Variants in GNAL observed in about 807,000 individuals in gnomAD.
The protein encoded by GNAL is G protein subunit alpha L.
A neutral mutation model predicts 55.1 loss-of-function variants in GNAL; 18 were observed. That is an observed-to-expected ratio of 0.33 (90% CI 0.23 to 0.48). GNAL has a LOEUF of 0.48. GNAL is among the 20% of genes least tolerant of loss of function. GNAL has a pLI of 0.99. For synonymous variants in GNAL, 253 were observed against 237.0 expected (o/e 1.07, Z -0.62); for missense variants, 412 against 614.1 (o/e 0.67, Z 3.48).
chr18:11,807,021 T>C (rs2034681619), intron 4 of GNAL, among the ~76,000 whole-genome samples: 1 of 152,018 alleles, frequency 6.6e-6, no homozygotes, highest in Admixed American at 6.6e-5. Flanking sequence ...TAGCCGGGCA[T>C]GGTGGCGCAC....
At chr18:11,839,021 C>T (rs1278612790) in intron 5 of GNAL, among the ~76,000 whole-genome samples, 2 of 152,160 alleles carry the variant, frequency 1.3e-5, no homozygotes, top group African/African-American at 4.8e-5. Context: ...TACTTCATTC[C>T]TTTCAATAGT....
chr18:11,780,232 G>A (rs959939542), intron 4 of GNAL, among the ~76,000 whole-genome samples: 4 of 152,130 alleles, frequency 2.6e-5, no homozygotes, highest in African/African-American at 9.7e-5. Context: ...AATCCCTGAA[G>A]TAGAGGCATT....
At chr18:11,806,103 G>C (rs867200434) in intron 4 of GNAL, among the ~76,000 whole-genome samples, 1 of 152,146 alleles carries the variant, frequency 6.6e-6, no homozygotes, top group African/African-American at 2.4e-5. Flanking sequence ...GATTAGTTAT[G>C]TTGAGCATTT....
In GNAL at chr18:11,689,533, C is replaced by T. The variant is rs1472360045; in HGVS notation, c.-31C>T. On this transcript the variant is annotated 5_prime_UTR_variant, in exon 1 of 12. Transcript: ENST00000334049. ...CCTCGGCGCCCAGCCTGCCCTAGTC[C>T]CGCGCGCCGCCCCCGCTGTGCCGCG... The T allele has an allele frequency of 2.7e-6, 3 of 1,129,806 alleles. No individual in the cohort carries two copies. The highest frequency in any genetic ancestry group is 1.6e-5 in the African/African-American group (1 of 61,600). 70.0% of individuals were successfully genotyped at this position (1,129,806 alleles called of 1,614,324 possible).
intron 5 of GNAL, among the ~76,000 whole-genome samples, chr18:11,841,202 CCTAAA>C (rs993657659): frequency 1.3e-5 from 2 of 151,994 alleles, no homozygotes; most frequent in African/African-American, 4.8e-5. Flanking sequence ...TCTTTTAACC[CCTAAA>C]CTAATCTTAA....
chr18:11,732,342 ACTGT>A (rs1212223658), intron 1 of GNAL, among the ~76,000 whole-genome samples: 1 of 152,192 alleles, frequency 6.6e-6, no homozygotes, highest in African/African-American at 2.4e-5. Context: ...GACACTCGTT[ACTGT>A]CTTTTTTATT....
chr18:11,883,157 A>G lies in GNAL; in HGVS notation c.*2022A>G, dbSNP rs1425824640. 1 of 134,370 alleles carries G rather than the reference A, an allele frequency of 7.4e-6. No individual in the cohort carries two copies. The highest frequency in any genetic ancestry group is 3.4e-5 in the African/African-American group (1 of 29,062). 8.3% of individuals were successfully genotyped at this position (134,370 alleles called of 1,614,324 possible). The stretch of plus-strand genomic sequence containing the variant: ...CAGATTTAAATGCTACTTTTTCATG[A>G]AGAAAGGATAACTTTATAGACAGTC... On this transcript the variant is annotated 3_prime_UTR_variant, in exon 12 of 12. Transcript: ENST00000334049.
At chr18:11,754,880 A>G (rs1449319222) in intron 4 of GNAL, among the ~76,000 whole-genome samples, 1 of 152,224 alleles carries the variant, frequency 6.6e-6, no homozygotes, top group Non-Finnish European at 1.5e-5. Flanking sequence ...TTTTCAGAAT[A>G]TACATTTCTT....
At chr18:11,827,166 G>A (rs374074740) in intron 5 of GNAL, among the ~76,000 whole-genome samples, 30 of 152,274 alleles carry the variant, frequency 2.0e-4, no homozygotes, top group African/African-American at 5.8e-4. Context: ...TGTGGTGAGC[G>A]CGCTTGGCAA....
At chr18:11,718,716 C>A (rs562616778) in intron 1 of GNAL, among the ~76,000 whole-genome samples, 2 of 152,192 alleles carry the variant, frequency 1.3e-5, no homozygotes, top group African/African-American at 4.8e-5. Flanking sequence ...TTTCTCTGAG[C>A]AGCATTAACA....
At position 11,884,799 on chromosome 18, in the gene GNAL, C is replaced by A; in HGVS notation, c.*3664C>A. 7.2e-7 allele frequency: 1 copy of A among 1,380,944 alleles called. No homozygotes were observed. Among genetic ancestry groups the A allele is most frequent in the Non-Finnish European group, 9.5e-7 (1 of 1,054,334 alleles). The allele number at this position is 1,380,944 out of a possible 1,614,324, so 85.5% of individuals were successfully genotyped here. Reference sequence around the variant, plus strand: ...CCCAGCCTTCTCCCTGCACAGCTCACCCCCGACCAGCCCAGGCTCCAGCAG... The same window carrying A: ...CCCAGCCTTCTCCCTGCACAGCTCAACCCCGACCAGCCCAGGCTCCAGCAG... On this transcript the variant is annotated 3_prime_UTR_variant, in exon 12 of 12. Transcript: ENST00000334049.
At chr18:11,742,738 C>A (rs971144258) in intron 1 of GNAL, among the ~76,000 whole-genome samples, 8 of 151,972 alleles carry the variant, frequency 5.3e-5, no homozygotes, top group African/African-American at 1.9e-4. Context: ...CCCCACCACT[C>A]CTCAACACCG....
In GNAL at chr18:11,752,584, G is replaced by C. The variant is rs552145921; in HGVS notation, c.377-269G>C. The stretch of plus-strand genomic sequence containing the variant: ...CCACCGCCTGCTGCTCCTGGGTAAG[G>C]CCGAGGGGCGCGCGGCGGCTCCCGG... On this transcript the variant is annotated intron_variant, in intron 1 of 11. Coordinates refer to ENST00000334049, the MANE Select transcript of GNAL (RefSeq NM_182978.4). This position sits in a 1 kb window ranked among gnomAD's most constrained non-coding sequence, Gnocchi z 4.5. The C allele has an allele frequency of 1.3e-6, 2 of 1,589,992 alleles. No homozygotes were observed. The highest frequency in any genetic ancestry group is 2.8e-5 in the African/African-American group (2 of 72,354).
intron 4 of GNAL, among the ~76,000 whole-genome samples, chr18:11,772,272 G>A (rs1026841626): frequency 7.2e-5 from 11 of 152,186 alleles, no homozygotes; most frequent in Non-Finnish European, 1.0e-4. Flanking sequence ...TAAAAAGAAT[G>A]CTTTAAATTG....
chr18:11,848,445 TC>T (rs1357708448), intron 5 of GNAL, among the ~76,000 whole-genome samples: 5 of 151,630 alleles, frequency 3.3e-5, no homozygotes, highest in Non-Finnish European at 5.9e-5. Flanking sequence ...CCATACTTTT[TC>T]TTTTTTTTTC....
intron 5 of GNAL, among the ~76,000 whole-genome samples, chr18:11,844,801 A>ATTCGCCATTTTGTAC (rs2035695627): frequency 6.6e-6 from 1 of 152,254 alleles, no homozygotes; most frequent in Non-Finnish European, 1.5e-5. Flanking sequence ...AATGTGCAAC[A>ATTCGCCATTTTGTAC]AAATTAACTG....
chr18:11,812,713 G>C (rs1054334497), intron 4 of GNAL, among the ~76,000 whole-genome samples: 1 of 151,742 alleles, frequency 6.6e-6, no homozygotes, highest in Non-Finnish European at 1.5e-5. Flanking sequence ...GTGTGGTGGC[G>C]CATGCCTGTA....
intron 1 of GNAL, among the ~76,000 whole-genome samples, chr18:11,708,859 C>G (rs990877125): frequency 3.9e-5 from 6 of 152,124 alleles, no homozygotes; most frequent in Non-Finnish European, 7.4e-5. Context: ...GTGTCATATC[C>G]AAGAAATCAT....
At chr18:11,815,522 A>G (rs1433384027) in intron 4 of GNAL, among the ~76,000 whole-genome samples, 3 of 152,162 alleles carry the variant, frequency 2.0e-5, no homozygotes, top group Non-Finnish European at 4.4e-5. Flanking sequence ...CTTTTAAACA[A>G]GCAGCTCTCA....
Sources: allele counts gnomAD v4.1 joint callset (sites outside exome capture counted in the v4.1 genomes callset), GRCh38; gene constraint gnomAD v4.1.1; non-coding constraint Gnocchi (gnomAD v3.1); transcripts MANE v1.5; gene names NCBI Gene and HGNC (gene_info 2026-07-23, HGNC 2026-07-21).